RGS8: variants seen among roughly 807,000 people sequenced by gnomAD.
The protein encoded by RGS8 is regulator of G protein signaling 8, also known as regulator of G-protein signaling 8.
RGS8 carries 8 observed loss-of-function variants against 21.7 expected under a neutral mutation model. That is an observed-to-expected ratio of 0.37 (90% CI 0.22 to 0.66). RGS8 has a LOEUF of 0.66. Among genes scored for constraint, RGS8 ranks in the 30% least tolerant of loss-of-function variants. The probability of loss-of-function intolerance (pLI) is 0.59; values close to 1 mark genes in which losing one functional copy is unlikely to be tolerated. For synonymous variants in RGS8, 80 were observed against 83.6 expected, an observed-to-expected ratio of 0.96 and a Z score of 0.24; for missense variants, 157 against 217.9, an observed-to-expected ratio of 0.72 and a Z score of 1.76.
chr1:182,731,464 T>A, the RGS8 span, among the ~76,000 whole-genome samples: 1 of 152,232 alleles, frequency 6.6e-6, no homozygotes, highest in Non-Finnish European at 1.5e-5. Flanking sequence ...GCCCACCAAT[T>A]ATAACGAAAA....
chr1:182,721,046 C>CACATATATATGTGTGTATAT, the RGS8 span, among the ~76,000 whole-genome samples: 16 of 68,210 alleles, frequency 2.3e-4, 7 homozygotes, highest in Non-Finnish European at 4.1e-4. Flanking sequence ...TATACATATA[C>CACATATATATGTGTGTATAT]ATACATATAT....
At chr1:182,648,820 G>A (rs1662839881) in intron 5 of RGS8, among the ~76,000 whole-genome samples, 1 of 151,684 alleles carries the variant, frequency 6.6e-6, no homozygotes, top group Non-Finnish European at 1.5e-5. Context: ...GAGTCATAGG[G>A]CTGGACGCAG....
chr1:182,692,699 G>C, the RGS8 span, among the ~76,000 whole-genome samples: 1 of 93,764 alleles, frequency 1.1e-5, no homozygotes. Context: ...AAAAAAAAAA[G>C]CTGGAGGTAT....
downstream of RGS8, chr1:182,645,158 C>T (rs1187961158): frequency 2.0e-5 from 3 of 152,228 alleles, no homozygotes; most frequent in African/African-American, 7.2e-5. Flanking sequence ...CCCCTCACCC[C>T]TTAAAAGGAA....
At chr1:182,716,979 C>A in the RGS8 span, among the ~76,000 whole-genome samples, 1 of 152,160 alleles carries the variant, frequency 6.6e-6, no homozygotes, top group Non-Finnish European at 1.5e-5. Flanking sequence ...CATACTAATT[C>A]TTGTCTCACA....
At chr1:182,716,235 C>T in the RGS8 span, among the ~76,000 whole-genome samples, 2 of 151,574 alleles carry the variant, frequency 1.3e-5, no homozygotes, top group African/African-American at 4.9e-5. Flanking sequence ...AAGCAATTCT[C>T]CTGCATCAGC....
At chr1:182,654,812 T>A (rs1309472145) in intron 5 of RGS8, among the ~76,000 whole-genome samples, 1 of 152,282 alleles carries the variant, frequency 6.6e-6, no homozygotes, top group East Asian at 1.9e-4. Flanking sequence ...TGATGGTGCA[T>A]CTATTATTCA....
At chr1:182,721,067 A>T in the RGS8 span, among the ~76,000 whole-genome samples, 1 of 107,318 alleles carries the variant, frequency 9.3e-6, no homozygotes. Context: ...ATGTGTGTAT[A>T]TATACATATA....
At chr1:182,695,371 GA>G in the RGS8 span, among the ~76,000 whole-genome samples, 3 of 152,108 alleles carry the variant, frequency 2.0e-5, no homozygotes, top group Non-Finnish European at 4.4e-5. Context: ...ACACTTTGAA[GA>G]AAAACAAACC....
chr1:182,685,958 A>C (rs1283035914), upstream of RGS8, among the ~76,000 whole-genome samples: 2 of 152,170 alleles, frequency 1.3e-5, no homozygotes, highest in Admixed American at 1.3e-4. Flanking sequence ...TTAAGCACTC[A>C]CAGAGCTCTG....
chr1:182,674,346 A>G (rs1664288085), upstream of RGS8, among the ~76,000 whole-genome samples: 1 of 152,242 alleles, frequency 6.6e-6, no homozygotes. Flanking sequence ...TCCAATGTTT[A>G]AAAAGAGCTA....
chr1:182,669,525 C>A, intron 3 of RGS8, 99 bp downstream of exon 4: 1 of 1,570,088 alleles, frequency 6.4e-7, no homozygotes. Flanking sequence ...CACGCATGGG[C>A]TCAGAAGGCT....
chr1:182,749,711 C>T, the RGS8 span, among the ~76,000 whole-genome samples: 2 of 152,126 alleles, frequency 1.3e-5, no homozygotes, highest in Non-Finnish European at 2.9e-5. Flanking sequence ...ATTACTTAAC[C>T]TCTCTCTTTT....
chr1:182,725,551 GTGAT>G, the RGS8 span, among the ~76,000 whole-genome samples: 1 of 152,198 alleles, frequency 6.6e-6, no homozygotes, highest in African/African-American at 2.4e-5. Context: ...ATGAGGATGA[GTGAT>G]GGGCCAGAAA....
upstream of RGS8, among the ~76,000 whole-genome samples, chr1:182,673,756 C>A (rs936249670): frequency 3.9e-5 from 6 of 152,204 alleles, no homozygotes; most frequent in Non-Finnish European, 7.3e-5. Flanking sequence ...GAGAACCCTT[C>A]ATTTCTGGAC....
intron 5 of RGS8, among the ~76,000 whole-genome samples, chr1:182,661,433 A>G (rs1663581437): frequency 1.3e-5 from 2 of 152,008 alleles, no homozygotes. Flanking sequence ...AAGGTGAGGG[A>G]ACCCTGCCTT....
chr1:182,666,123 G>A, intron 4 of RGS8, 90 bp from the exon 6 acceptor site: 1 of 1,070,676 alleles, frequency 9.3e-7, no homozygotes, highest in Non-Finnish European at 1.4e-6. Flanking sequence ...AAAACAAATT[G>A]GAAAAATGTG....
At chr1:182,738,257 C>G in the RGS8 span, among the ~76,000 whole-genome samples, 5 of 152,120 alleles carry the variant, frequency 3.3e-5, no homozygotes, top group African/African-American at 4.8e-5. Context: ...GAAAAAGCAA[C>G]CTTGAACAGT....
At chr1:182,736,555 C>T in the RGS8 span, among the ~76,000 whole-genome samples, 1 of 152,130 alleles carries the variant, frequency 6.6e-6, no homozygotes, top group Non-Finnish European at 1.5e-5. Context: ...GCAAAGCCCA[C>T]TTCAAGAAAC....
Sources: gnomAD v4.1 joint callset for allele counts (sites outside exome capture counted in the v4.1 genomes callset) on GRCh38, gnomAD v4.1.1 for gene constraint, MANE v1.5 for transcripts, NCBI Gene and HGNC (gene_info 2026-07-23, HGNC 2026-07-21) for gene names.